Variants in KIAA1671 observed in about 807,000 individuals in gnomAD.
The protein encoded by KIAA1671 is KIAA1671, also known as uncharacterized protein KIAA1671.
A neutral mutation model predicts 131.2 loss-of-function variants in KIAA1671; 52 were observed. That is an observed-to-expected ratio of 0.40 (90% CI 0.32 to 0.50). The LOEUF (loss-of-function observed/expected upper bound fraction) is 0.50, where lower values mean the gene tolerates loss of function less well. Among genes scored for constraint, KIAA1671 ranks in the 20% least tolerant of loss-of-function variants. The pLI, the probability that KIAA1671 is intolerant of heterozygous loss-of-function variation, is 0.73. For missense variants in KIAA1671, 2,360 were observed against 2,364.2 expected (o/e 1.00, Z 0.04); for synonymous variants, 1,003 against 961.6 (o/e 1.04, Z -0.80).
chr22:25,183,755 C>T (rs544195270), intron 10 of KIAA1671, among the ~76,000 whole-genome samples: 4 of 151,798 alleles, frequency 2.6e-5, no homozygotes, highest in Admixed American at 2.6e-4. Flanking sequence ...ATCTCCTGAC[C>T]TCCTGATCCG....
At chr22:25,088,080 T>C (rs1341978611) in intron 6 of KIAA1671, among the ~76,000 whole-genome samples, 1 of 151,838 alleles carries the variant, frequency 6.6e-6, no homozygotes, top group East Asian at 1.9e-4. Flanking sequence ...TTCACTGGTG[T>C]TAATGATGTC....
At chr22:25,173,468 G>C (rs1162180747) in intron 7 of KIAA1671, among the ~76,000 whole-genome samples, 1 of 152,160 alleles carries the variant, frequency 6.6e-6, no homozygotes, top group Non-Finnish European at 1.5e-5. Flanking sequence ...CCCACCACCT[G>C]CTCTTCCATA....
At chr22:25,135,380 G>A (rs1408444016) in intron 6 of KIAA1671, among the ~76,000 whole-genome samples, 2 of 152,160 alleles carry the variant, frequency 1.3e-5, no homozygotes, top group Non-Finnish European at 2.9e-5. Flanking sequence ...TAGAGACGGG[G>A]TTTCACTGTG....
At chr22:25,072,681 C>T (rs551747556) in intron 6 of KIAA1671, among the ~76,000 whole-genome samples, 2 of 152,174 alleles carry the variant, frequency 1.3e-5, no homozygotes, top group Non-Finnish European at 2.9e-5. Flanking sequence ...TCCATTTCAG[C>T]TTCCCAAACT....
At chr22:25,150,081 C>A (rs913351987) in intron 6 of KIAA1671, among the ~76,000 whole-genome samples, 1 of 152,212 alleles carries the variant, frequency 6.6e-6, no homozygotes, top group African/African-American at 2.4e-5. Flanking sequence ...CATGTCAGAT[C>A]CTTAGCATAG....
At chr22:24,997,011 T>A (rs769148459) in intron 1 of KIAA1671, among the ~76,000 whole-genome samples, 3 of 152,332 alleles carry the variant, frequency 2.0e-5, no homozygotes, top group Non-Finnish European at 4.4e-5. Context: ...GGGGCCTGCA[T>A]AGAGTCACTG....
chr22:25,111,625 G>A (rs1931350169), intron 6 of KIAA1671, among the ~76,000 whole-genome samples: 1 of 152,224 alleles, frequency 6.6e-6, no homozygotes, highest in Non-Finnish European at 1.5e-5. Flanking sequence ...TCAGGTGAGC[G>A]GGGTCTGGCC....
intron 6 of KIAA1671, among the ~76,000 whole-genome samples, chr22:25,082,662 G>A (rs911485223): frequency 1.9e-4 from 29 of 152,018 alleles, no homozygotes; most frequent in African/African-American, 7.0e-4. Flanking sequence ...GCAAGACCCT[G>A]TCTCTACAGA....
At chr22:25,075,026 C>T (rs1601287469) in intron 6 of KIAA1671, among the ~76,000 whole-genome samples, 1 of 152,148 alleles carries the variant, frequency 6.6e-6, no homozygotes, top group Admixed American at 6.5e-5. Context: ...ACCCTTCGCC[C>T]GGTTCCCCTA....
At chr22:25,177,584 AGCCCTATG>A in intron 9 of KIAA1671, 62 bp downstream of exon 9, 1 of 1,408,886 alleles carries the variant, frequency 7.1e-7, no homozygotes, top group African/African-American at 1.4e-5. Flanking sequence ...ATTTAGACTA[AGCCCTATG>A]AAAAAATTCC....
intron 6 of KIAA1671, among the ~76,000 whole-genome samples, chr22:25,133,305 C>T (rs1427474787): frequency 1.3e-5 from 2 of 152,176 alleles, no homozygotes; most frequent in African/African-American, 4.8e-5. Flanking sequence ...AAGATTTCCA[C>T]TTTCAGAAAT....
intron 6 of KIAA1671, among the ~76,000 whole-genome samples, chr22:25,152,102 C>T (rs573257100): frequency 1.3e-5 from 2 of 152,292 alleles, no homozygotes; most frequent in Admixed American, 6.5e-5. Flanking sequence ...TCAGTAGCTG[C>T]GCTATATTCT....
intron 6 of KIAA1671, among the ~76,000 whole-genome samples, chr22:25,161,667 C>A (rs9608373): frequency 0.11 from 16,114 of 152,240 alleles, 926 homozygotes; most frequent in East Asian, 0.16. Flanking sequence ...CTTGCTGGAC[C>A]TTCTGAAAAG....
intron 6 of KIAA1671, 22 bp from the exon 7 acceptor site, chr22:25,170,798 C>T: frequency 6.5e-7 from 1 of 1,549,256 alleles, no homozygotes; most frequent in Non-Finnish European, 8.7e-7. Context: ...GTAGAAATCT[C>T]ACATCTGGCT....
chr22:25,092,164 A>T (rs1031490058), intron 6 of KIAA1671, among the ~76,000 whole-genome samples: 3 of 152,226 alleles, frequency 2.0e-5, no homozygotes, highest in Non-Finnish European at 4.4e-5. Context: ...AAATAATTCC[A>T]AATACAGATA....
intron 6 of KIAA1671, among the ~76,000 whole-genome samples, chr22:25,106,123 A>T (rs1432628491): frequency 2.0e-5 from 3 of 152,166 alleles, no homozygotes; most frequent in Non-Finnish European, 4.4e-5. Context: ...TCATTGAGGG[A>T]AAGCTCTCAA....
intron 6 of KIAA1671, among the ~76,000 whole-genome samples, chr22:25,073,072 G>A (rs1964107732): frequency 6.6e-6 from 1 of 152,000 alleles, no homozygotes; most frequent in Non-Finnish European, 1.5e-5. Flanking sequence ...CTACCTTTTT[G>A]TTTGTCTGTT....
At chr22:25,097,405 G>A (rs1286123710) in intron 6 of KIAA1671, among the ~76,000 whole-genome samples, 2 of 152,132 alleles carry the variant, frequency 1.3e-5, no homozygotes, top group Non-Finnish European at 2.9e-5. Flanking sequence ...TATGGGGTTC[G>A]GCAAACTATG....
rs1926818329 is a variant in KIAA1671, at chr22:25,039,918, C to T, written c.2788C>T (p.Pro930Ser). 1 of 1,551,552 alleles carries T rather than the reference C, an allele frequency of 6.4e-7. No homozygotes were observed. Among genetic ancestry groups the T allele is most frequent in the Non-Finnish European group, 8.7e-7 (1 of 1,146,964 alleles). Reference sequence around the variant, plus strand: ...TCCAGGGCCGGCCCAGGTGCCACAGCCTGCAGTCAGAATGCGGAAAGCCGG... The same window carrying T: ...TCCAGGGCCGGCCCAGGTGCCACAGTCTGCAGTCAGAATGCGGAAAGCCGG... The part of the protein sequence containing the change: ...GDPGPAQVPQ[P>S]AVRMRKAGAM... The change falls in exon 5 of 13, where the codon CCT (proline) becomes TCT (serine). Residue 930 changes from proline to serine, a missense_variant. Physicochemically the swap from Pro to Ser is moderately conservative, Grantham distance 74. Coordinates refer to ENST00000358431, the MANE Select transcript of KIAA1671 (RefSeq NM_001145206.2).
Sources: allele counts gnomAD v4.1 joint callset (sites outside exome capture counted in the v4.1 genomes callset), GRCh38; gene constraint gnomAD v4.1.1; transcripts MANE v1.5; gene names NCBI Gene and HGNC (gene_info 2026-07-23, HGNC 2026-07-21).